The following SOD2 variants were observed in gnomAD, a reference collection of about 807,000 sequenced individuals.
SOD2 encodes the protein superoxide dismutase 2.
In SOD2, 11 loss-of-function variants were observed where a neutral mutation model predicts 27.0. The ratio of observed to expected loss-of-function variants is 0.41; its 90% CI spans 0.26 to 0.67. The LOEUF (loss-of-function observed/expected upper bound fraction) is 0.67, where lower values mean the gene tolerates loss of function less well. SOD2 is among the 30% of genes least tolerant of loss of function. The probability of loss-of-function intolerance (pLI) is 0.34; values close to 1 mark genes in which losing one functional copy is unlikely to be tolerated. For synonymous variants in SOD2, 105 were observed against 103.0 expected (o/e 1.02, Z -0.12); for missense variants, 250 against 274.5 (o/e 0.91, Z 0.63).
At chr6:159,742,439 T>G (rs1020711537) in intron 1 of SOD2, among the ~76,000 whole-genome samples, 1 of 152,170 alleles carries the variant, frequency 6.6e-6, no homozygotes, top group African/African-American at 2.4e-5. Flanking sequence ...TTTTCTTACT[T>G]GTCCCTAACC....
intron 1 of SOD2, 55 bp downstream of exon 1, chr6:159,693,090 C>T (rs1777310975): frequency 1.3e-6 from 2 of 1,514,268 alleles, no homozygotes; most frequent in East Asian, 2.7e-5. Context: ...GGAGGCCCTG[C>T]CCGCCGCGAG....
At chr6:159,691,540 A>G (rs970080023) in intron 2 of SOD2, 5 of 152,250 alleles carry the variant, frequency 3.3e-5, no homozygotes, top group African/African-American at 1.2e-4. Flanking sequence ...TAGCTTACCA[A>G]GCAATACAGA....
At chr6:159,727,162 G>C in exon 1 of SOD2, 5 of 1,196,098 alleles carry the variant, frequency 4.2e-6, no homozygotes, top group Non-Finnish European at 5.3e-6. Context: ...CGCGGAGCTC[G>C]CGCCAGGCTC....
chr6:159,713,937 G>A, intron 1 of SOD2: 4 of 865,662 alleles, frequency 4.6e-6, no homozygotes, highest in Non-Finnish European at 7.4e-6. Flanking sequence ...GACCAGGATA[G>A]GCCCTGGACC....
At chr6:159,710,780 C>G (rs1448756019) in intron 1 of SOD2, among the ~76,000 whole-genome samples, 4 of 151,452 alleles carry the variant, frequency 2.6e-5, no homozygotes, top group African/African-American at 9.7e-5. Flanking sequence ...CCATAACCAC[C>G]ACTCAGCTGC....
intron 1 of SOD2, among the ~76,000 whole-genome samples, chr6:159,738,193 T>C (rs1779036685): frequency 6.6e-6 from 1 of 152,240 alleles, no homozygotes; most frequent in Non-Finnish European, 1.5e-5. Flanking sequence ...ATCTGAACTA[T>C]CACCATAAAG....
chr6:159,718,506 T>C (rs1777966795), intron 1 of SOD2, among the ~76,000 whole-genome samples: 1 of 152,222 alleles, frequency 6.6e-6, no homozygotes, highest in East Asian at 1.9e-4. Context: ...ACTTAGAATG[T>C]CAGAAGTCTT....
At chr6:159,713,975 G>A (rs776393843) in intron 1 of SOD2, 2 of 831,678 alleles carry the variant, frequency 2.4e-6, no homozygotes, top group Non-Finnish European at 3.8e-6. Flanking sequence ...CCTGCCTTCC[G>A]TGCTCAGCAT....
chr6:159,739,133 G>T, intron 1 of SOD2: 1 of 1,078,644 alleles, frequency 9.3e-7, no homozygotes. Flanking sequence ...GCCAGATATT[G>T]TTTTTAATGT....
intron 1 of SOD2, among the ~76,000 whole-genome samples, chr6:159,704,171 A>G (rs1449425940): frequency 6.6e-6 from 1 of 152,200 alleles, no homozygotes; most frequent in East Asian, 1.9e-4. Context: ...AAATAGGAAT[A>G]GCTCCAGTCT....
intron 1 of SOD2, among the ~76,000 whole-genome samples, chr6:159,759,356 G>A (rs370388205): frequency 4.2e-5 from 6 of 143,780 alleles, no homozygotes; most frequent in South Asian, 2.5e-4. Context: ...ACCGCGGCCG[G>A]CCAAGACATA....
At chr6:159,746,918 G>A (rs191459838), upstream of SOD2, among the ~76,000 whole-genome samples, 121 of 152,298 alleles carry the variant, frequency 7.9e-4, no homozygotes, top group Middle Eastern at 3.4e-3. Context: ...GTCTCAGTCA[G>A]TGCTGTAGAC....
chr6:159,701,331 T>G (rs895133305), intron 1 of SOD2, among the ~76,000 whole-genome samples: 1 of 152,220 alleles, frequency 6.6e-6, no homozygotes, highest in Non-Finnish European at 1.5e-5. Flanking sequence ...GGGAGCATTT[T>G]GGATAGTGAA....
chr6:159,702,850 GAAAAAAAAAA>G (rs35570449), intron 1 of SOD2, among the ~76,000 whole-genome samples: 4 of 30,666 alleles, frequency 1.3e-4, no homozygotes, highest in Admixed American at 1.2e-3. Flanking sequence ...ACCCTATCTC[GAAAAAAAAAA>G]AAAAAAAAAA....
intron 1 of SOD2, chr6:159,736,441 G>A (rs1438964790): frequency 1.5e-6 from 1 of 650,774 alleles, no homozygotes; most frequent in Non-Finnish European, 2.7e-6. Context: ...AATAGCATTG[G>A]AGTTGTACAG....
chr6:159,717,681 G>T (rs1037761788), intron 1 of SOD2, among the ~76,000 whole-genome samples: 4 of 152,212 alleles, frequency 2.6e-5, no homozygotes, highest in African/African-American at 9.6e-5. Context: ...CTGTACTGTT[G>T]TATCTGTTAA....
At chr6:159,762,110 T>C in exon 1 of SOD2, 1 of 1,613,062 alleles carries the variant, frequency 6.2e-7, no homozygotes, top group Non-Finnish European at 8.5e-7. Flanking sequence ...TCAGATCCTG[T>C]GGTCATCGTC....
rs1779678045 is a variant in SOD2, at chr6:159,672,050, T to A, written c.*10443A>T. On this transcript the variant is annotated 3_prime_UTR_variant, in exon 5 of 5. Transcript: ENST00000538183. ...GAAGAGAAGTTAAGAGAAAAAAGAGTAAAAAGAAACGAACAAAGCTTCCAA... is the reference window on the plus strand; with the variant it reads ...GAAGAGAAGTTAAGAGAAAAAAGAGAAAAAAGAAACGAACAAAGCTTCCAA... 1 of 151,604 alleles carries A rather than the reference T, an allele frequency of 6.6e-6. No individual in the cohort carries two copies. Among genetic ancestry groups the A allele is most frequent in the Admixed American group, 6.6e-5 (1 of 15,226 alleles). 9.4% of individuals were successfully genotyped at this position (151,604 alleles called of 1,614,324 possible). A position where few individuals can be genotyped will look rare whatever the true frequency, so the allele number is the denominator to read the frequency against.
chr6:159,748,419 G>A (rs755695408), upstream of SOD2: 7 of 1,601,088 alleles, frequency 4.4e-6, no homozygotes, highest in Non-Finnish European at 5.1e-6. The surrounding 1 kb of genome is among the most constrained non-coding windows in gnomAD (Gnocchi z 5.6). Context: ...GTCCCACTAC[G>A]AGAAAGCTGT....
Sources: gnomAD v4.1 joint callset for allele counts (sites outside exome capture counted in the v4.1 genomes callset) on GRCh38, gnomAD v4.1.1 for gene constraint, Gnocchi (gnomAD v3.1) non-coding constraint, MANE v1.5 for transcripts, NCBI Gene and HGNC (gene_info 2026-07-23, HGNC 2026-07-21) for gene names.